Variants in MPZL3 observed in about 807,000 individuals in gnomAD.
MPZL3 encodes myelin protein zero like 3.
MPZL3 carries 23 observed loss-of-function variants against 24.8 expected under a neutral mutation model. The observed-to-expected ratio is 0.93, with a 90% CI of 0.67 to 1.31. The LOEUF is 1.31. Ranked by LOEUF, MPZL3 falls within the 40% of genes most tolerant of loss-of-function variation. The probability of loss-of-function intolerance (pLI) is 0.00; values close to 1 mark genes in which losing one functional copy is unlikely to be tolerated. For missense variants in MPZL3, 277 were observed against 294.9 expected (o/e 0.94, Z 0.44); for synonymous variants, 99 against 106.5 (o/e 0.93, Z 0.44).
rs1351798989 is a variant in MPZL3 at position 118,237,056 on chromosome 11, C to A, written c.445G>T (p.Glu149Ter). The A allele has an allele frequency of 1.9e-5, 31 of 1,613,816 alleles. No homozygotes were observed. In the East Asian group the frequency reaches 6.0e-4, roughly 31 times the overall value. The change falls in exon 3 of 6, where the codon GAA (glutamate) becomes TAA (stop). Residue 149 changes from glutamate (E) to a stop codon, truncating the protein, a stop_gained. Transcript: ENST00000278949. LOFTEE classifies it high-confidence loss of function. ...NIPMTELTVTERGFGTMLSSV... is the reference protein window; with the variant it reads ...NIPMTELTVT ...TTGGTGGCAATGAGCTTACCCCTTT[C>A]TGTGACTGTTAGCTCTGTCATGGGA...
Position 118,227,396 on chromosome 11 carries a change from C to CA in MPZL3, c.*2497dup, listed in dbSNP as rs1290908065. 2 of 151,870 alleles carry CA rather than the reference C, an allele frequency of 1.3e-5. No individual in the cohort carries two copies. The highest frequency in any genetic ancestry group is 2.4e-5 in the African/African-American group (1 of 41,346). The allele number at this position is 151,870 out of a possible 1,614,324, so 9.4% of individuals were successfully genotyped here. A position where few individuals can be genotyped will look rare whatever the true frequency, so the allele number is the denominator to read the frequency against. ...ACAAGAGGTGAAACAAATAAGTAAA[C>CA]AAAAAAAGACCACTTTATCTTCCTT... On this transcript the variant is annotated 3_prime_UTR_variant, in exon 6 of 6. Transcript: ENST00000278949.
chr11:118,233,456 T>C lies in MPZL3; in HGVS notation c.681+4A>G. ...AGTAAGCAGAAGGAATGGCATGCAC[T>C]TACCAGGCACTCAGCGCAACGGACA... On this transcript the variant is annotated splice_donor_region_variant and intron_variant, in intron 5 of 5. Transcript: ENST00000278949. 1 of 1,613,848 alleles carries C rather than the reference T, an allele frequency of 6.2e-7. No homozygotes were observed. The highest frequency in any genetic ancestry group is 1.1e-5 in the South Asian group (1 of 91,084).
At chr11:118,245,333 C>T (rs1475414226) in intron 1 of MPZL3, among the ~76,000 whole-genome samples, 1 of 152,008 alleles carries the variant, frequency 6.6e-6, no homozygotes, top group Non-Finnish European at 1.5e-5. Context: ...TAGAGCAAGA[C>T]TTCATCTCTT....
chr11:118,248,695 TA>T (rs1949584163), intron 1 of MPZL3, among the ~76,000 whole-genome samples: 1 of 152,188 alleles, frequency 6.6e-6, no homozygotes, highest in South Asian at 2.1e-4. Context: ...CAGTCTTATA[TA>T]AAACTCTGAG....
intron 1 of MPZL3, among the ~76,000 whole-genome samples, chr11:118,250,514 C>T (rs1949607671): frequency 6.6e-6 from 1 of 151,920 alleles, no homozygotes. Context: ...TCAATTATGC[C>T]CTTTAAGACA....
chr11:118,233,496 A>G lies in MPZL3; in HGVS notation c.645T>C (p.Cys215=), dbSNP rs747399504. The G allele has an allele frequency of 2.5e-6, 4 of 1,611,454 alleles. No individual in the cohort carries two copies. The East Asian group carries it at 8.9e-5, about 36-fold the overall frequency. ...DDTDQEEEEA[C]MARLCVRCAE... is the part of the protein sequence containing the mutation. ...CGCAACGGACACAAAGCCTCGCCATACACGCCTCTTCCTCCTCCTGATCAG... is the reference window on the plus strand; with the variant it reads ...CGCAACGGACACAAAGCCTCGCCATGCACGCCTCTTCCTCCTCCTGATCAG... Residue 215 remains cysteine, a synonymous_variant, in exon 5 of 6, where the codon TGT becomes TGC. Transcript: ENST00000278949.
intron 1 of MPZL3, among the ~76,000 whole-genome samples, chr11:118,243,657 A>C (rs1949524927): frequency 6.6e-6 from 1 of 152,036 alleles, no homozygotes; most frequent in Admixed American, 6.6e-5. Flanking sequence ...CTGTAGTCCC[A>C]GCTACTCAGG....
intron 1 of MPZL3, 132 bp from the exon 2 acceptor site, chr11:118,240,509 A>C (rs1406630367): frequency 1.9e-5 from 16 of 830,774 alleles, no homozygotes. Flanking sequence ...CTTCTCAGGC[A>C]AGCCCACAAG....
In MPZL3 at chr11:118,229,858, C is replaced by T. The variant is rs948568973; in HGVS notation, c.*36G>A. ...GCCAGTGGAATGGGATGTTTCCTGT[C>T]TTTAGGTGACTCTTCTTGTGTCATA... On this transcript the variant is annotated 3_prime_UTR_variant, in exon 6 of 6. Coordinates refer to ENST00000278949, the MANE Select transcript of MPZL3 (RefSeq NM_198275.3). The T allele has an allele frequency of 1.2e-6, 2 of 1,611,200 alleles. No individual in the cohort carries two copies. The highest frequency in any genetic ancestry group is 2.7e-5 in the African/African-American group (2 of 74,796).
chr11:118,228,352 C>T lies in MPZL3; in HGVS notation c.*1542G>A, dbSNP rs1255479768. The T allele has an allele frequency of 6.6e-6, 1 of 152,106 alleles. No individual in the cohort carries two copies. The highest frequency in any genetic ancestry group is 1.5e-5 in the Non-Finnish European group (1 of 68,034). 9.4% of individuals were successfully genotyped at this position (152,106 alleles called of 1,614,324 possible). On this transcript the variant is annotated 3_prime_UTR_variant, in exon 6 of 6. Transcript: ENST00000278949. ...ATGAAAAATCATGAAAAGGGATCAACCTGTTGAAAGAATAGAGACAGGTGA... is the reference window on the plus strand; with the variant it reads ...ATGAAAAATCATGAAAAGGGATCAATCTGTTGAAAGAATAGAGACAGGTGA...
intron 1 of MPZL3, among the ~76,000 whole-genome samples, chr11:118,251,047 T>G (rs1480991299): frequency 6.6e-6 from 1 of 151,872 alleles, no homozygotes; most frequent in Non-Finnish European, 1.5e-5. Flanking sequence ...CCAGATTTTT[T>G]TTCTCAATAA....
intron 5 of MPZL3, among the ~76,000 whole-genome samples, chr11:118,232,771 C>T (rs1490244324): frequency 2.0e-5 from 3 of 152,106 alleles, no homozygotes; most frequent in African/African-American, 4.8e-5. Context: ...AATTAGTCAT[C>T]GAGCCAAGTG....
chr11:118,245,981 G>T (rs1049218510), intron 1 of MPZL3, among the ~76,000 whole-genome samples: 1 of 152,000 alleles, frequency 6.6e-6, no homozygotes, highest in Non-Finnish European at 1.5e-5. Context: ...GTCAACCCTT[G>T]GTTTAGAACA....
At position 118,252,139 on chromosome 11, in the gene MPZL3, A is replaced by AC. The variant is rs35597573; in HGVS notation, c.73+82dup. ...AGAGCTATGCGGGGGCTTTCTGGAG[A>AC]CCCCCCTACCCGGAACCGGAAAAGC... is the stretch of plus-strand genomic sequence containing the variant. On this transcript the variant is annotated intron_variant, in intron 1 of 5. Transcript: ENST00000278949. 4.5e-4 allele frequency: 634 copies of AC among 1,407,944 alleles called. 3 individuals carry two copies. The East Asian group carries it at 5.0e-3, about 11-fold the overall frequency. The allele number at this position is 1,407,944 out of a possible 1,614,324, so 87.2% of individuals were successfully genotyped here. A position where few individuals can be genotyped will look rare whatever the true frequency, so the allele number is the denominator to read the frequency against.
At chr11:118,234,704 C>T (rs1446488087) in intron 4 of MPZL3, among the ~76,000 whole-genome samples, 1 of 150,450 alleles carries the variant, frequency 6.6e-6, no homozygotes, top group Non-Finnish European at 1.5e-5. Context: ...GCACAGGGTG[C>T]TCTCTTATCA....
At position 118,227,237 on chromosome 11, in the gene MPZL3, A is replaced by C. The variant is rs1054093887; in HGVS notation, c.*2657T>G. ...CACATGTAAAAACTTCAGCAGCTAA[A>C]GAAAAATTCTGGAAGGCTTTTAACC... is the stretch of plus-strand genomic sequence containing the variant. On this transcript the variant is annotated 3_prime_UTR_variant, in exon 6 of 6. Transcript: ENST00000278949. The C allele has an allele frequency of 1.2e-4, 18 of 152,264 alleles. No individual in the cohort carries two copies. Among genetic ancestry groups the C allele is most frequent in the African/African-American group, 4.1e-4 (17 of 41,474 alleles). The allele number at this position is 152,264 out of a possible 1,614,324, so 9.4% of individuals were successfully genotyped here.
At chr11:118,243,494 C>T in intron 1 of MPZL3, among the ~76,000 whole-genome samples, 1 of 152,178 alleles carries the variant, frequency 6.6e-6, no homozygotes, top group East Asian at 1.9e-4. Context: ...CTAGGCCAGG[C>T]GTGGTGGCTC....
At chr11:118,243,299 T>A (rs1389947511) in intron 1 of MPZL3, among the ~76,000 whole-genome samples, 1 of 152,164 alleles carries the variant, frequency 6.6e-6, no homozygotes, top group Non-Finnish European at 1.5e-5. Context: ...GAAGAAAATG[T>A]TACCTCTTAC....
At chr11:118,245,227 C>T (rs1452973417) in intron 1 of MPZL3, among the ~76,000 whole-genome samples, 5 of 151,654 alleles carry the variant, frequency 3.3e-5, no homozygotes, top group Admixed American at 2.6e-4. Flanking sequence ...GGCGAAACCC[C>T]GTCTCTACTA....
Sources: gnomAD v4.1 joint callset for allele counts (sites outside exome capture counted in the v4.1 genomes callset) on GRCh38, gnomAD v4.1.1 for gene constraint, MANE v1.5 for transcripts, NCBI Gene and HGNC (gene_info 2026-07-23, HGNC 2026-07-21) for gene names.